The following CCR5AS variants were observed in gnomAD, a reference collection of about 807,000 sequenced individuals.
CCR5AS encodes CCR5 antisense RNA.
intron 3 of CCR5AS, among the ~76,000 whole-genome samples, chr3:46,367,565 G>A (rs182057642): frequency 1.1e-3 from 164 of 152,142 alleles, no homozygotes; most frequent in Non-Finnish European, 1.7e-3. Flanking sequence ...TTTATAATTA[G>A]ACATTTTGTT....
chr3:46,371,354 C>A (rs749576741), exon 3 of CCR5AS: 1 of 152,168 alleles, frequency 6.6e-6, no homozygotes, highest in African/African-American at 2.4e-5. Flanking sequence ...TGAATATGTG[C>A]CCACAAGAAG....
chr3:46,386,465 G>T (rs938671436), intron 2 of CCR5AS, among the ~76,000 whole-genome samples: 3 of 152,188 alleles, frequency 2.0e-5, no homozygotes. Flanking sequence ...GGGGCAGGAG[G>T]AATCACAAGC....
chr3:46,373,370 T>C lies in CCR5AS; in HGVS notation n.392-1953A>G, dbSNP rs542780938. ...CAAGTGTGATCACTTGGGTGGTGGC[T>C]GTGTTTGCGTCTCTCCCAGGAATCA... On this transcript the variant is annotated intron_variant and non_coding_transcript_variant, in intron 2 of 3. Transcript: ENST00000451485. 2.5e-6 allele frequency: 4 copies of C among 1,613,030 alleles called. No individual in the cohort carries two copies. In the South Asian group the frequency reaches 4.4e-5, roughly 18 times the overall value.
chr3:46,390,884 A>G (rs142443313), intron 2 of CCR5AS, among the ~76,000 whole-genome samples: 12,053 of 152,288 alleles, frequency 0.079, 615 homozygotes, highest in South Asian at 0.17. Context: ...CAAGGGAAAC[A>G]GGCCCTTGAA....
At position 46,398,440 on chromosome 3, in the gene CCR5AS, C is replaced by T. The variant is rs558203510; in HGVS notation, n.164-5388G>A. On this transcript the variant is annotated intron_variant and non_coding_transcript_variant, in intron 1 of 3. Transcript: ENST00000451485. ...TAAACCTCTGTATACCTCTAAGAAG[C>T]TCCACGCACTAGTATAACCCTTAAA... Among the ~76,000 whole-genome samples the T allele has an allele frequency of 2.0e-5, 3 of 152,302 alleles. No homozygotes were observed. The East Asian group carries it at 5.8e-4, about 29-fold the overall frequency.
Position 46,374,166 on chromosome 3 carries a change from A to G in CCR5AS, n.392-2749T>C, listed in dbSNP as rs1011121512. 1.9e-5 allele frequency: 8 copies of G among 412,780 alleles called. No homozygotes were observed. In the East Asian group the frequency reaches 2.9e-4, roughly 15 times the overall value. 25.6% of individuals were successfully genotyped at this position (412,780 alleles called of 1,614,324 possible). A position where few individuals can be genotyped will look rare whatever the true frequency, so the allele number is the denominator to read the frequency against. ...CCCATCAATTATAGAAAGCCAAATCAAAATATGTTGATGAAAAATAGCAAC... is the reference window on the plus strand; with the variant it reads ...CCCATCAATTATAGAAAGCCAAATCGAAATATGTTGATGAAAAATAGCAAC... On this transcript the variant is annotated intron_variant and non_coding_transcript_variant, in intron 2 of 3. Coordinates refer to ENST00000451485, the Ensembl canonical transcript of CCR5AS.
chr3:46,397,442 A>G lies in CCR5AS; in HGVS notation n.164-4390T>C, dbSNP rs1003175273. 1.1e-4 allele frequency among the ~76,000 whole-genome samples: 16 copies of G among 152,374 alleles called. No individual in the cohort carries two copies. The East Asian group carries it at 2.9e-3, about 28-fold the overall frequency. The stretch of plus-strand genomic sequence containing the variant: ...TGAGGTGAGTTTAATGAAGGATTCT[A>G]TACAAAAATTTGGACAAGGTATAGG... On this transcript the variant is annotated intron_variant and non_coding_transcript_variant, in intron 1 of 3. Transcript: ENST00000451485.
chr3:46,365,828 G>A (rs1701593484), intron 3 of CCR5AS, among the ~76,000 whole-genome samples: 2 of 152,162 alleles, frequency 1.3e-5, no homozygotes, highest in African/African-American at 4.8e-5. Flanking sequence ...TCCCTCCTGT[G>A]GTAGCCACTT....
chr3:46,406,716 C>T (rs1422380645), intron 1 of CCR5AS, among the ~76,000 whole-genome samples: 22 of 152,152 alleles, frequency 1.4e-4, no homozygotes, highest in Admixed American at 1.4e-3. Context: ...TTGCTTTCCT[C>T]AGTGTTGACA....
At chr3:46,366,190 G>A (rs1449299442) in intron 3 of CCR5AS, among the ~76,000 whole-genome samples, 1 of 152,182 alleles carries the variant, frequency 6.6e-6, no homozygotes, top group African/African-American at 2.4e-5. Flanking sequence ...CCCTGGGAGA[G>A]GTGTCTGAGC....
chr3:46,373,498 T>C (rs1446757553), intron 2 of CCR5AS: 1 of 1,611,904 alleles, frequency 6.2e-7, no homozygotes, highest in Non-Finnish European at 8.5e-7. Context: ...TTAAAGATAG[T>C]CATCTTGGGG....
intron 1 of CCR5AS, among the ~76,000 whole-genome samples, chr3:46,395,543 T>C (rs138786641): frequency 1.4e-4 from 22 of 152,160 alleles, no homozygotes; most frequent in African/African-American, 5.3e-4. Context: ...TGCAGAGACA[T>C]AGAGTAAGGT....
At chr3:46,365,962 T>C (rs1472988338) in intron 3 of CCR5AS, among the ~76,000 whole-genome samples, 1 of 152,208 alleles carries the variant, frequency 6.6e-6, no homozygotes, top group Non-Finnish European at 1.5e-5. Context: ...GCCCCACCCA[T>C]GCTGGCCTCT....
At chr3:46,372,808 G>A (rs1701681127) in intron 2 of CCR5AS, 1 of 915,560 alleles carries the variant, frequency 1.1e-6, no homozygotes, top group Admixed American at 2.4e-5. Context: ...AAAACCTATT[G>A]ATGTATAAAA....
intron 1 of CCR5AS, among the ~76,000 whole-genome samples, chr3:46,400,193 G>A (rs1322344805): frequency 5.9e-5 from 9 of 152,112 alleles, no homozygotes; most frequent in Admixed American, 1.3e-4. Context: ...GTCTCGCCAT[G>A]TTGCCCAAGC....
intron 1 of CCR5AS, among the ~76,000 whole-genome samples, chr3:46,405,858 C>G (rs190501693): frequency 6.6e-6 from 1 of 151,834 alleles, no homozygotes; most frequent in Non-Finnish European, 1.5e-5. Context: ...TTCCTCTCCC[C>G]GCCCCTCCTC....
At chr3:46,383,544 C>T (rs979919717) in intron 2 of CCR5AS, among the ~76,000 whole-genome samples, 1 of 152,134 alleles carries the variant, frequency 6.6e-6, no homozygotes, top group Non-Finnish European at 1.5e-5. Context: ...AGTCTACTTC[C>T]GGGGCCCTCA....
At chr3:46,373,352 G>A (rs1429352792) in intron 2 of CCR5AS, 1 of 1,614,126 alleles carries the variant, frequency 6.2e-7, no homozygotes, top group Non-Finnish European at 8.5e-7. Flanking sequence ...TGACAAGTGT[G>A]ATCACTTGGG....
At position 46,374,188 on chromosome 3, in the gene CCR5AS, C is replaced by T. The variant is rs1701720211; in HGVS notation, n.392-2771G>A. On this transcript the variant is annotated intron_variant and non_coding_transcript_variant, in intron 2 of 3. Transcript: ENST00000451485. Reference sequence around the variant, plus strand: ...ATCAAAATATGTTGATGAAAAATAGCAACCTTTTTATCTCCCCTTCACATG... The same window carrying T: ...ATCAAAATATGTTGATGAAAAATAGTAACCTTTTTATCTCCCCTTCACATG... 1.5e-5 allele frequency: 6 copies of T among 393,048 alleles called. No individual in the cohort carries two copies. In the South Asian group the frequency reaches 7.6e-4, roughly 50 times the overall value. The allele number at this position is 393,048 out of a possible 1,614,324, so 24.3% of individuals were successfully genotyped here. A position where few individuals can be genotyped will look rare whatever the true frequency, so the allele number is the denominator to read the frequency against.
Sources: gnomAD v4.1 joint callset for allele counts (sites outside exome capture counted in the v4.1 genomes callset) on GRCh38, gnomAD v4.1.1 for gene constraint, MANE v1.5 for transcripts, NCBI Gene and HGNC (gene_info 2026-07-23, HGNC 2026-07-21) for gene names.